The following KHDC1 variants were observed in gnomAD, a reference collection of about 807,000 sequenced individuals.
KHDC1 encodes KH homology domain-containing protein 1.
Under a neutral mutation model 24.7 loss-of-function variants are expected in KHDC1, and 21 were observed. The observed-to-expected ratio is 0.85, with a 90% CI of 0.60 to 1.23. The LOEUF (loss-of-function observed/expected upper bound fraction) is 1.23. Ranked by LOEUF, KHDC1 falls within the 50% of genes most tolerant of loss-of-function variation. KHDC1 has a pLI of 0.00. For missense variants in KHDC1, 274 were observed against 298.5 expected (o/e 0.92, Z 0.61); for synonymous variants, 98 against 111.7 (o/e 0.88, Z 0.77).
At chr6:73,257,721 A>G (rs541440197) in intron 2 of KHDC1, among the ~76,000 whole-genome samples, 74 of 151,986 alleles carry the variant, frequency 4.9e-4, no homozygotes, top group Admixed American at 9.8e-4. Flanking sequence ...ATTATAATTC[A>G]TCTTTAAATA....
intron 2 of KHDC1, chr6:73,269,284 C>T (rs12530029): frequency 0.28 from 42,140 of 152,380 alleles, 6,479 homozygotes; most frequent in African/African-American, 0.41. Flanking sequence ...CTGAGGGAGC[C>T]GGCTCTGGCC....
intron 1 of KHDC1, chr6:73,293,206 G>A: frequency 1.4e-6 from 1 of 692,494 alleles, no homozygotes; most frequent in Non-Finnish European, 2.7e-6. Flanking sequence ...CATGAATATT[G>A]AGAAGAAACT....
At chr6:73,309,690 A>G (rs1291795324) in exon 1 of KHDC1, 6 of 1,550,140 alleles carry the variant, frequency 3.9e-6, no homozygotes, top group Non-Finnish European at 5.2e-6. Context: ...AAGACTCGGA[A>G]CAGCCTCTGG....
At chr6:73,248,677 CCT>C (rs745682883) in intron 2 of KHDC1, among the ~76,000 whole-genome samples, 2 of 152,158 alleles carry the variant, frequency 1.3e-5, no homozygotes, top group Admixed American at 6.5e-5. Context: ...ACTTAATCTC[CCT>C]CTTCCAAGAG....
chr6:73,302,384 T>G (rs1375357811), intron 1 of KHDC1, among the ~76,000 whole-genome samples: 1 of 152,194 alleles, frequency 6.6e-6, no homozygotes, highest in Non-Finnish European at 1.5e-5. Context: ...AAATGCACTG[T>G]TAGGAGATTT....
intron 2 of KHDC1, among the ~76,000 whole-genome samples, chr6:73,290,093 C>T (rs183140593): frequency 9.7e-6 from 1 of 103,574 alleles, no homozygotes; most frequent in Non-Finnish European, 1.8e-5. Flanking sequence ...GGCAACAGAG[C>T]GAGACTCCGT....
chr6:73,246,847 A>G (rs1288505387), intron 2 of KHDC1, among the ~76,000 whole-genome samples: 3 of 152,206 alleles, frequency 2.0e-5, no homozygotes, highest in Non-Finnish European at 4.4e-5. Flanking sequence ...CTTTTTATAT[A>G]TAAATTAGAA....
chr6:73,292,261 G>A (rs144286780), intron 1 of KHDC1: 60 of 1,347,746 alleles, frequency 4.5e-5, no homozygotes, highest in African/African-American at 4.0e-4. Flanking sequence ...ATCCAGAAAC[G>A]ACAAGGCAAA....
intron 2 of KHDC1, among the ~76,000 whole-genome samples, chr6:73,265,099 C>G (rs1767056521): frequency 6.6e-6 from 1 of 152,054 alleles, no homozygotes. Context: ...ATTTCTAAGA[C>G]CTTTAGGTTG....
chr6:73,271,896 A>C (rs926266057), intron 2 of KHDC1, among the ~76,000 whole-genome samples: 10 of 148,902 alleles, frequency 6.7e-5, no homozygotes, highest in African/African-American at 2.5e-4. Context: ...CTCCATCTCA[A>C]AAAAAAATAA....
At chr6:73,282,029 C>A (rs932705535) in intron 2 of KHDC1, among the ~76,000 whole-genome samples, 2 of 151,842 alleles carry the variant, frequency 1.3e-5, no homozygotes, top group African/African-American at 4.8e-5. Context: ...ACCAGCCTGG[C>A]CAACATGGTG....
intron 2 of KHDC1, among the ~76,000 whole-genome samples, chr6:73,278,170 C>T (rs1410549015): frequency 6.8e-6 from 1 of 147,700 alleles, no homozygotes; most frequent in African/African-American, 2.6e-5. Flanking sequence ...AGCCACCACG[C>T]CTGGCCAATT....
intron 2 of KHDC1, chr6:73,269,147 G>A (rs1217719793): frequency 6.5e-6 from 1 of 153,492 alleles, no homozygotes; most frequent in Non-Finnish European, 1.4e-5. Flanking sequence ...GGGGCCAGCA[G>A]GGCCGGCCGG....
intron 2 of KHDC1, chr6:73,276,286 G>A (rs1182334095): frequency 6.6e-6 from 1 of 151,888 alleles, no homozygotes; most frequent in Non-Finnish European, 1.5e-5. Flanking sequence ...CAAGAGGTCA[G>A]GACCAGCCTG....
intron 2 of KHDC1, among the ~76,000 whole-genome samples, chr6:73,287,349 T>C (rs1278098862): frequency 6.6e-6 from 1 of 152,052 alleles, no homozygotes; most frequent in Non-Finnish European, 1.5e-5. Context: ...TCATAACAAG[T>C]GGCAAGTCAG....
chr6:73,292,024 G>A lies in KHDC1; in HGVS notation c.180C>T (p.Ser60=), dbSNP rs548026740. Residue 60 remains serine, a synonymous_variant, in exon 2 of 5, where the codon AGC becomes AGT. Transcript: ENST00000370384. ...TTTTGGATCGGCATCTAGTCTTTCC[G>A]CTCCTTGAGTTTCTCTCTGTAAAGG... The A allele has an allele frequency of 2.5e-5, 40 of 1,613,910 alleles. 2 individuals are homozygous for A. Among genetic ancestry groups the A allele is most frequent in the South Asian group, 2.3e-4 (21 of 90,962 alleles).
intron 2 of KHDC1, among the ~76,000 whole-genome samples, chr6:73,253,919 A>T (rs1341138829): frequency 6.6e-6 from 1 of 152,164 alleles, no homozygotes; most frequent in Non-Finnish European, 1.5e-5. Context: ...CAACAACAGC[A>T]ACAACAATAA....
chr6:73,285,865 G>T lies in KHDC1; in HGVS notation c.206+6133C>A, dbSNP rs761396283. On this transcript the variant is annotated intron_variant, in intron 2 of 4. Coordinates refer to ENST00000370384, the Ensembl canonical transcript of KHDC1. Reference sequence around the variant, plus strand: ...TGGTCAGTTCCTAGTTCCAAGAACTGATCAAAGTTAGCCACCAGATGGAGC... The same window carrying T: ...TGGTCAGTTCCTAGTTCCAAGAACTTATCAAAGTTAGCCACCAGATGGAGC... Among the ~76,000 whole-genome samples, 15 of 152,214 alleles carry T rather than the reference G, an allele frequency of 9.9e-5. No homozygotes were observed. In the Middle Eastern group the frequency reaches 0.01, roughly 104 times the overall value.
At chr6:73,270,374 A>C (rs946697833) in intron 2 of KHDC1, 3 of 152,130 alleles carry the variant, frequency 2.0e-5, no homozygotes, top group Non-Finnish European at 4.4e-5. Flanking sequence ...AATCATTTTA[A>C]AATTTTTACA....
Sources: gnomAD v4.1 joint callset for allele counts (sites outside exome capture counted in the v4.1 genomes callset) on GRCh38, gnomAD v4.1.1 for gene constraint, MANE v1.5 for transcripts, NCBI Gene and HGNC (gene_info 2026-07-23, HGNC 2026-07-21) for gene names.